ADGRL4: variants seen among roughly 807,000 people sequenced by gnomAD.
The protein encoded by ADGRL4 is adhesion G protein-coupled receptor L4, also known as EGF, latrophilin and seven transmembrane domain containing 1.
ADGRL4 carries 90 observed loss-of-function variants against 74.8 expected under a neutral mutation model. That is an observed-to-expected ratio of 1.20 (90% CI 1.02 to 1.43). The LOEUF is 1.43. Among genes scored for constraint, ADGRL4 ranks in the 40% most tolerant of loss-of-function variants. ADGRL4 has a pLI of 0.00. For synonymous variants in ADGRL4, 311 were observed against 279.2 expected, an observed-to-expected ratio of 1.11 and a Z score of -1.14; for missense variants, 881 against 814.3, an observed-to-expected ratio of 1.08 and a Z score of -1.00.
rs1650439497 is a variant in ADGRL4, at chr1:78,983,660, T to C, written c.172+21410A>G. 2.6e-5 allele frequency among the ~76,000 whole-genome samples: 4 copies of C among 151,782 alleles called. No individual in the cohort carries two copies. The South Asian group carries it at 8.3e-4, about 31-fold the overall frequency. ...GACAGTAAATGAGAAAGTTATTATT[T>C]TAAGAGCTAACAGATTAAAACTTTT... is the stretch of plus-strand genomic sequence containing the variant. On this transcript the variant is annotated intron_variant, in intron 2 of 14. Coordinates refer to ENST00000370742, the MANE Select transcript of ADGRL4 (RefSeq NM_022159.4).
At chr1:78,919,812 G>A (rs1438713153) in intron 10 of ADGRL4, among the ~76,000 whole-genome samples, 1 of 151,880 alleles carries the variant, frequency 6.6e-6, no homozygotes, top group Non-Finnish European at 1.5e-5. Context: ...CCTACAAACT[G>A]TGACTGCATT....
chr1:78,891,761 A>G (rs912606745), intron 13 of ADGRL4, 69 bp from the exon 14 acceptor site: 4 of 1,391,754 alleles, frequency 2.9e-6, no homozygotes, highest in African/African-American at 1.5e-5. Context: ...AAATTACTCA[A>G]ATTATGTGGG....
intron 2 of ADGRL4, among the ~76,000 whole-genome samples, chr1:78,988,385 G>T (rs1420931333): frequency 6.6e-6 from 1 of 151,754 alleles, no homozygotes; most frequent in African/African-American, 2.4e-5. Context: ...TTCCTTCACA[G>T]AATTCATATT....
At chr1:78,891,295 T>A in intron 14 of ADGRL4, 79 bp from the exon 15 acceptor site, 2 of 1,428,078 alleles carry the variant, frequency 1.4e-6, no homozygotes, top group Non-Finnish European at 1.9e-6. Flanking sequence ...CACAATAAAT[T>A]GTTACATATG....
intron 12 of ADGRL4, among the ~76,000 whole-genome samples, chr1:78,898,258 A>T (rs529704477): frequency 6.6e-6 from 1 of 152,168 alleles, no homozygotes; most frequent in Non-Finnish European, 1.5e-5. Flanking sequence ...CTATGTTTAT[A>T]TGGCAGTGTC....
chr1:78,907,881 C>T (rs1426830878), intron 12 of ADGRL4, among the ~76,000 whole-genome samples: 3 of 151,846 alleles, frequency 2.0e-5, no homozygotes, highest in African/African-American at 4.8e-5. Context: ...CACACGTCCC[C>T]GTTTGCCTGG....
chr1:78,938,472 AC>A (rs1195463789), intron 4 of ADGRL4, among the ~76,000 whole-genome samples, 193 bp from the exon 5 acceptor site: 1 of 152,102 alleles, frequency 6.6e-6, no homozygotes, highest in Non-Finnish European at 1.5e-5. Flanking sequence ...TTAGCAAATA[AC>A]TTAAAAGCCT....
intron 3 of ADGRL4, among the ~76,000 whole-genome samples, chr1:78,941,341 T>G (rs1649475692): frequency 6.6e-6 from 1 of 152,192 alleles, no homozygotes; most frequent in South Asian, 2.1e-4. Context: ...GAGTCTTTTT[T>G]AGAGCAGAAC....
chr1:78,932,645 G>A (rs1457793243), intron 7 of ADGRL4, among the ~76,000 whole-genome samples: 2 of 142,066 alleles, frequency 1.4e-5, no homozygotes, highest in Admixed American at 6.9e-5. Flanking sequence ...TCCAGAAGCT[G>A]GTTAAAAAAA....
intron 2 of ADGRL4, among the ~76,000 whole-genome samples, chr1:78,990,338 T>A (rs926453960): frequency 3.9e-5 from 6 of 151,916 alleles, no homozygotes; most frequent in Admixed American, 3.9e-4. Flanking sequence ...ATGGAATTAT[T>A]AAGGCATTAC....
At chr1:78,908,797 T>G (rs1440344126) in intron 12 of ADGRL4, among the ~76,000 whole-genome samples, 1 of 151,958 alleles carries the variant, frequency 6.6e-6, no homozygotes, top group African/African-American at 2.4e-5. Context: ...CAAGAGTTTT[T>G]AAAAATATTT....
chr1:78,961,780 G>C (rs910942614), intron 2 of ADGRL4, among the ~76,000 whole-genome samples: 29 of 152,082 alleles, frequency 1.9e-4, no homozygotes, highest in African/African-American at 7.0e-4. Context: ...ATGTGACTAG[G>C]TAAGCATATA....
chr1:78,915,176 CTG>C (rs1251371537), intron 12 of ADGRL4, among the ~76,000 whole-genome samples: 1 of 151,828 alleles, frequency 6.6e-6, no homozygotes, highest in African/African-American at 2.4e-5. Context: ...ACTAGGGACA[CTG>C]TATAATAATC....
intron 2 of ADGRL4, among the ~76,000 whole-genome samples, chr1:78,991,145 A>T (rs564581348): frequency 4.9e-4 from 74 of 152,160 alleles, no homozygotes; most frequent in African/African-American, 1.7e-3. Flanking sequence ...TTAATACTAA[A>T]TTCTTTAAGA....
chr1:78,939,315 T>C (rs757733002), intron 3 of ADGRL4, 57 bp from the exon 4 acceptor site: 30 of 1,407,838 alleles, frequency 2.1e-5, no homozygotes, highest in Non-Finnish European at 2.8e-5. Context: ...TTTCCTAAGC[T>C]GATCATATCA....
chr1:78,942,751 A>G (rs575582098), intron 3 of ADGRL4, among the ~76,000 whole-genome samples: 1 of 152,232 alleles, frequency 6.6e-6, no homozygotes, highest in South Asian at 2.1e-4. Context: ...CAACATAGCA[A>G]GAACCTGTCT....
intron 2 of ADGRL4, among the ~76,000 whole-genome samples, chr1:78,996,581 T>C (rs2069069): frequency 0.43 from 65,775 of 151,908 alleles, 14,246 homozygotes; most frequent in East Asian, 0.59. Context: ...AATTAATTTA[T>C]GTCTTTTATT....
At chr1:78,987,944 A>G (rs1006985171) in intron 2 of ADGRL4, among the ~76,000 whole-genome samples, 1 of 151,718 alleles carries the variant, frequency 6.6e-6, no homozygotes, top group African/African-American at 2.4e-5. Context: ...TTAGATTTAT[A>G]GTAAAGTAAT....
intron 2 of ADGRL4, among the ~76,000 whole-genome samples, chr1:79,002,361 A>G (rs1650861495): frequency 1.3e-5 from 2 of 152,142 alleles, no homozygotes; most frequent in South Asian, 2.1e-4. Flanking sequence ...CATTTTGGCC[A>G]TTAATTATTC....
Sources: allele counts gnomAD v4.1 joint callset (sites outside exome capture counted in the v4.1 genomes callset), GRCh38; gene constraint gnomAD v4.1.1; transcripts MANE v1.5; gene names NCBI Gene and HGNC (gene_info 2026-07-23, HGNC 2026-07-21).